The following CYFIP1 variants were observed in gnomAD, a reference collection of about 807,000 sequenced individuals.
The protein encoded by CYFIP1 is cytoplasmic FMR1-interacting protein 1.
Under a neutral mutation model 163.5 loss-of-function variants are expected in CYFIP1, and 58 were observed. The ratio of observed to expected loss-of-function variants is 0.35; its 90% CI spans 0.29 to 0.44. CYFIP1 has a LOEUF of 0.44. Among genes scored for constraint, CYFIP1 ranks in the 20% least tolerant of loss-of-function variants. The probability of loss-of-function intolerance (pLI) is 1.00; values close to 1 mark genes in which losing one functional copy is unlikely to be tolerated. For synonymous variants in CYFIP1, 663 were observed against 660.7 expected, an observed-to-expected ratio of 1.00 and a Z score of -0.05; for missense variants, 1,338 against 1,653.8, an observed-to-expected ratio of 0.81 and a Z score of 3.31.
intron 1 of CYFIP1, among the ~76,000 whole-genome samples, chr15:22,962,957 C>T (rs1035799555): frequency 6.6e-6 from 1 of 152,102 alleles, no homozygotes; most frequent in East Asian, 1.9e-4. Context: ...GCTGTCATGA[C>T]CTCTGAGGAA....
chr15:22,912,296 G>GTGACCAT, intron 17 of CYFIP1, 21 bp from the exon 18 acceptor site: 1 of 1,571,308 alleles, frequency 6.4e-7, no homozygotes, highest in Non-Finnish European at 8.7e-7. Context: ...CAGCAGCAGT[G>GTGACCAT]TGACCAGCAG....
At chr15:22,964,361 A>ACT (rs1174838512) in intron 1 of CYFIP1, among the ~76,000 whole-genome samples, 1 of 73,460 alleles carries the variant, frequency 1.4e-5, no homozygotes, top group Non-Finnish European at 2.8e-5. Flanking sequence ...ACTCACACAC[A>ACT]CACACACACA....
intron 11 of CYFIP1, among the ~76,000 whole-genome samples, chr15:22,929,248 G>C (rs1432588380): frequency 6.7e-6 from 1 of 150,164 alleles, no homozygotes; most frequent in Non-Finnish European, 1.5e-5. Context: ...AAAGTACCCT[G>C]AGTAAGAAGC....
Position 22,879,988 on chromosome 15 carries a change from C to T in CYFIP1, c.2967G>A (p.Leu989=), listed in dbSNP as rs1420412437. Residue 989 remains leucine, a synonymous_variant, in exon 26 of 31, where the codon CTG becomes CTA. Transcript: ENST00000617928. The part of the protein sequence containing the change: ...QLKDIVEYAE[L]KTVCFQNLRE... ...GCAGGTTCTGGAAGCACACCGTCTTCAGCTCTGCGTACTCCACGATGTCCT... is the reference window on the plus strand; with the variant it reads ...GCAGGTTCTGGAAGCACACCGTCTTTAGCTCTGCGTACTCCACGATGTCCT... The T allele has an allele frequency of 8.7e-6, 14 of 1,614,014 alleles. No individual in the cohort carries two copies. The highest frequency in any genetic ancestry group is 1.0e-5 in the Non-Finnish European group (12 of 1,179,986).
chr15:22,968,403 C>T (rs1195452122), intron 1 of CYFIP1, among the ~76,000 whole-genome samples: 1 of 152,194 alleles, frequency 6.6e-6, no homozygotes, highest in East Asian at 1.9e-4. Context: ...AAAAGACTGA[C>T]CTCTCCTAAG....
chr15:22,928,389 TAATAAATAAATA>T (rs200548603), intron 11 of CYFIP1, among the ~76,000 whole-genome samples: 31,069 of 147,468 alleles, frequency 0.21, 3,465 homozygotes, highest in African/African-American at 0.25. Context: ...TCTCAAAAAA[TAATAAATAAATA>T]AATAAATAAA....
Position 22,931,686 on chromosome 15 carries a change from G to GAAAAAAAAAAAAAAAAA in CYFIP1, c.1110+520_1110+536dup, listed in dbSNP as rs766177290. On this transcript the variant is annotated intron_variant, in intron 11 of 30. Coordinates refer to ENST00000617928, the MANE Select transcript of CYFIP1 (RefSeq NM_014608.6). ...CTTGGGATCCCTATAATGTTTTTCT[G>GAAAAAAAAAAAAAAAAA]AAAAAAAAAAAAAAAAAAAAAAAAG... Among the ~76,000 whole-genome samples the GAAAAAAAAAAAAAAAAA allele has an allele frequency of 2.0e-4, 8 of 39,710 alleles. 2 individuals carry two copies. The highest frequency in any genetic ancestry group is 4.6e-4 in the African/African-American group (5 of 10,800). 26.1% of individuals were successfully genotyped at this position (39,710 alleles called of 152,430 possible).
At chr15:22,923,938 T>C (rs2061272746) in intron 13 of CYFIP1, among the ~76,000 whole-genome samples, 1 of 73,560 alleles carries the variant, frequency 1.4e-5, no homozygotes, top group Non-Finnish European at 2.2e-5. Context: ...TGAGACCTTG[T>C]CTCCAAAAAA....
intron 1 of CYFIP1, among the ~76,000 whole-genome samples, chr15:22,973,897 A>G (rs1405271174): frequency 6.6e-6 from 1 of 152,214 alleles, no homozygotes; most frequent in Non-Finnish European, 1.5e-5. Context: ...AAGAAGGTGT[A>G]CAAGTGGCCA....
At chr15:22,921,784 A>AAAAAAAAAAAAAAAAGAC (rs1555409979) in intron 13 of CYFIP1, among the ~76,000 whole-genome samples, 2 of 142,210 alleles carry the variant, frequency 1.4e-5, no homozygotes, top group Non-Finnish European at 3.1e-5. Context: ...AAAAAAAAAA[A>AAAAAAAAAAAAAAAAGAC]AGAAGCACGA....
chr15:22,933,793 T>TCC lies in CYFIP1; in HGVS notation c.992+7_992+8dup. 1 of 1,607,638 alleles carries TCC rather than the reference T, an allele frequency of 6.2e-7. No individual in the cohort carries two copies. Among genetic ancestry groups the TCC allele is most frequent in the Non-Finnish European group, 8.5e-7 (1 of 1,176,464 alleles). ...AAGCTCAAACCAGGCAGCTTTCCTC[T>TCC]CCTCCTACCGAGATTTATTTTCCTC... On this transcript the variant is annotated intron_variant, in intron 10 of 30. Coordinates refer to ENST00000617928, the MANE Select transcript of CYFIP1 (RefSeq NM_014608.6).
In CYFIP1 at chr15:22,868,552, G is replaced by GC. The variant is rs1338194573; in HGVS notation, c.*1475dup. 2 of 145,436 alleles carry GC rather than the reference G, an allele frequency of 1.4e-5. No individual in the cohort carries two copies. The highest frequency in any genetic ancestry group is 5.1e-5 in the African/African-American group (2 of 39,340). 9.0% of individuals were successfully genotyped at this position (145,436 alleles called of 1,614,324 possible). On this transcript the variant is annotated 3_prime_UTR_variant, in exon 31 of 31. Transcript: ENST00000617928. ...CCTCTAAATCTGCAGCAGAATGCTG[G>GC]CCCCAGGGTTATTAATTCACATTAC...
At position 22,892,881 on chromosome 15, in the gene CYFIP1, G is replaced by A. The variant is rs536856056; in HGVS notation, c.2676+9C>T. 140 of 1,602,634 alleles carry A rather than the reference G, an allele frequency of 8.7e-5. 2 individuals carry two copies. The South Asian group carries it at 1.5e-3, about 17-fold the overall frequency. The stretch of plus-strand genomic sequence containing the variant: ...TTCAAGCTCGTAACACGAACACATT[G>A]GAGCCTACCTTGGATCCATGCAGAT... On this transcript the variant is annotated intron_variant, in intron 23 of 30. Coordinates refer to ENST00000617928, the MANE Select transcript of CYFIP1 (RefSeq NM_014608.6).
intron 1 of CYFIP1, among the ~76,000 whole-genome samples, chr15:22,972,452 C>CA (rs1300019876): frequency 6.6e-6 from 1 of 151,670 alleles, no homozygotes; most frequent in African/African-American, 2.4e-5. Context: ...CAAAACAAAA[C>CA]AAAAAAAACT....
Position 22,910,746 on chromosome 15 carries a change from AT to A in CYFIP1, c.2149del (p.Met717TrpfsTer34), listed in dbSNP as rs1373711301. ...CACACCAGATACTCACCTTCCTGCC[AT>A]AACCTTATAATAGGCAAATATCTGG... Reference protein sequence around the residue: ...ADQIFAYYKVMAGSLLLDKRL... With the variant: ...ADQIFAYYKVXAGSLLLDKRL... On this transcript the variant is annotated frameshift_variant, in exon 19 of 31. Transcript: ENST00000617928. LOFTEE classifies it high-confidence loss of function. 6.2e-7 allele frequency: 1 copy of A among 1,613,584 alleles called. No individual in the cohort carries two copies. Among genetic ancestry groups the A allele is most frequent in the Non-Finnish European group, 8.5e-7 (1 of 1,179,456 alleles).
At position 22,918,067 on chromosome 15, in the gene CYFIP1, A is replaced by G. The variant is rs1028363368; in HGVS notation, c.1527-132T>C. 58 of 1,042,668 alleles carry G rather than the reference A, an allele frequency of 5.6e-5. 1 individual carries two copies. In the South Asian group the frequency reaches 8.6e-4, roughly 15 times the overall value. The allele number at this position is 1,042,668 out of a possible 1,614,324, so 64.6% of individuals were successfully genotyped here. A position where few individuals can be genotyped will look rare whatever the true frequency, so the allele number is the denominator to read the frequency against. On this transcript the variant is annotated intron_variant, in intron 14 of 30. Coordinates refer to ENST00000617928, the MANE Select transcript of CYFIP1 (RefSeq NM_014608.6). The stretch of plus-strand genomic sequence containing the variant: ...GAAAATACAAATTACTCTGGGGGCC[A>G]TGGAGGGATGTGGTAATGGACCAGC...
rs2059323655 is a variant in CYFIP1 at position 22,868,678 on chromosome 15, A to ACTT, written c.*1347_*1349dup. The ACTT allele has an allele frequency of 1.0e-5, 1 of 99,732 alleles. No homozygotes were observed. The highest frequency in any genetic ancestry group is 8.7e-5 in the African/African-American group (1 of 11,486). The allele number at this position is 99,732 out of a possible 1,614,324, so 6.2% of individuals were successfully genotyped here. ...GGCAGTGTAACAGGATGGTTCGTAC[A>ACTT]CTTACTACTTTTCTGTGCCGTGCAT... On this transcript the variant is annotated 3_prime_UTR_variant, in exon 31 of 31. Coordinates refer to ENST00000617928, the MANE Select transcript of CYFIP1 (RefSeq NM_014608.6).
At chr15:22,930,900 A>C (rs1427555670) in intron 11 of CYFIP1, among the ~76,000 whole-genome samples, 2 of 152,202 alleles carry the variant, frequency 1.3e-5, no homozygotes, top group South Asian at 2.1e-4. Flanking sequence ...AGTGTTCATA[A>C]AGGCCACAGC....
Position 22,964,023 on chromosome 15 carries a change from T to C in CYFIP1, c.-7+16264A>G, listed in dbSNP as rs112787056. The stretch of plus-strand genomic sequence containing the variant: ...GAGACAGAAACTATGGATTCACATG[T>C]TTTTATATAAATTAAGGTATTGTTG... On this transcript the variant is annotated intron_variant, in intron 1 of 30. Coordinates refer to ENST00000617928, the MANE Select transcript of CYFIP1 (RefSeq NM_014608.6). Among the ~76,000 whole-genome samples the C allele has an allele frequency of 8.7e-3, 1,331 of 152,214 alleles. 28 individuals carry two copies. Among genetic ancestry groups the C allele is most frequent in the African/African-American group, 0.03 (1,256 of 41,520 alleles).
Sources: gnomAD v4.1 joint callset for allele counts (sites outside exome capture counted in the v4.1 genomes callset) on GRCh38, gnomAD v4.1.1 for gene constraint, MANE v1.5 for transcripts, NCBI Gene and HGNC (gene_info 2026-07-23, HGNC 2026-07-21) for gene names.